The following DPF3 variants were observed in gnomAD, a reference collection of about 807,000 sequenced individuals.
DPF3 encodes the protein zinc finger protein DPF3.
In DPF3, 18 loss-of-function variants were observed where a neutral mutation model predicts 56.8. The observed-to-expected ratio is 0.32, with a 90% CI of 0.22 to 0.47. The LOEUF is 0.47. DPF3 is among the 20% of genes least tolerant of loss of function. The probability of loss-of-function intolerance (pLI) is 1.00; values close to 1 mark genes in which losing one functional copy is unlikely to be tolerated. For synonymous variants in DPF3, 188 were observed against 180.2 expected (o/e 1.04, Z -0.35); for missense variants, 403 against 488.8 (o/e 0.82, Z 1.65).
chr14:72,831,510 T>C (rs1219673304), intron 1 of DPF3, among the ~76,000 whole-genome samples: 2 of 152,204 alleles, frequency 1.3e-5, no homozygotes, highest in African/African-American at 4.8e-5. Context: ...ATCACAGGGC[T>C]GTAGAATATT....
intron 8 of DPF3, among the ~76,000 whole-genome samples, chr14:72,631,120 G>A (rs558293629): frequency 1.3e-5 from 2 of 152,298 alleles, no homozygotes; most frequent in African/African-American, 4.8e-5. Context: ...ACCATGCTGA[G>A]TTATCTTGGA....
chr14:72,655,567 T>C (rs886851807), intron 8 of DPF3, among the ~76,000 whole-genome samples: 1 of 152,238 alleles, frequency 6.6e-6, no homozygotes, highest in African/African-American at 2.4e-5. Context: ...CTTACTGTTC[T>C]TACAGTTTCT....
intron 9 of DPF3, among the ~76,000 whole-genome samples, chr14:72,623,355 T>C (rs1884584045): frequency 6.6e-6 from 1 of 152,192 alleles, no homozygotes; most frequent in African/African-American, 2.4e-5. Flanking sequence ...ATGAATTTGG[T>C]TATGTATCCA....
chr14:72,612,319 C>T lies in DPF3; in HGVS notation c.*6978G>A. On this transcript the variant is annotated 3_prime_UTR_variant, in exon 11 of 11. Transcript: ENST00000556509. ...GACGCATTGGTGAGCCAGGGACGCC[C>T]TGCCTACCTACCCCGCCTCTCTCCA... 2.3e-6 allele frequency: 1 copy of T among 428,766 alleles called. No individual in the cohort carries two copies. Among genetic ancestry groups the T allele is most frequent in the Admixed American group, 2.6e-5 (1 of 38,764 alleles). 26.6% of individuals were successfully genotyped at this position (428,766 alleles called of 1,614,324 possible). A position where few individuals can be genotyped will look rare whatever the true frequency, so the allele number is the denominator to read the frequency against.
intron 1 of DPF3, among the ~76,000 whole-genome samples, chr14:72,804,328 C>T (rs1893005347): frequency 6.6e-6 from 1 of 152,038 alleles, no homozygotes; most frequent in Non-Finnish European, 1.5e-5. Flanking sequence ...ACAATAGGTA[C>T]ATTATGCCAA....
intron 1 of DPF3, among the ~76,000 whole-genome samples, chr14:72,778,302 C>T (rs1891832807): frequency 1.3e-5 from 2 of 152,192 alleles, no homozygotes; most frequent in South Asian, 4.1e-4. Context: ...GCTCTGCCTC[C>T]TGTCAGATCA....
At chr14:72,867,817 C>T (rs1885737372) in intron 1 of DPF3, among the ~76,000 whole-genome samples, 1 of 152,156 alleles carries the variant, frequency 6.6e-6, no homozygotes, top group South Asian at 2.1e-4. Flanking sequence ...CGGCTCACTG[C>T]AACCTCTACC....
At chr14:72,861,766 A>AGAAG (rs896413116) in intron 1 of DPF3, among the ~76,000 whole-genome samples, 1 of 150,006 alleles carries the variant, frequency 6.7e-6, no homozygotes, top group Non-Finnish European at 1.5e-5. Context: ...AAAGAAAGAA[A>AGAAG]GAAAGAAAGA....
chr14:72,625,871 T>C (rs1429943133), intron 9 of DPF3, among the ~76,000 whole-genome samples: 1 of 152,194 alleles, frequency 6.6e-6, no homozygotes, highest in African/African-American at 2.4e-5. Context: ...AACTAGACTC[T>C]CATTAGTCAC....
intron 1 of DPF3, among the ~76,000 whole-genome samples, chr14:72,819,711 T>G (rs1466833506): frequency 3.3e-5 from 5 of 151,480 alleles, no homozygotes; most frequent in Non-Finnish European, 7.4e-5. Context: ...CTGGGGCGAG[T>G]GGATTGCTTG....
At chr14:72,784,414 G>A (rs1450510200) in intron 1 of DPF3, among the ~76,000 whole-genome samples, 2 of 152,128 alleles carry the variant, frequency 1.3e-5, no homozygotes, top group African/African-American at 4.8e-5. Context: ...TAACGACAAA[G>A]GATACCAAAA....
rs1344920796 is a variant in DPF3, at chr14:72,753,347, G to C, written c.218C>G (p.Thr73Arg). ...CTTGCGCCAGCAGCGGGCAGGGTAT[G>C]TATACAGCTGGCCCGGGGCAAGGCC... ...GPGLAPGQLYTYPARCWRKKR... is the reference protein window; with the variant it reads ...GPGLAPGQLYRYPARCWRKKR... Residue 73 changes from threonine to arginine, a missense_variant, in exon 3 of 11, where the codon ACA becomes AGA. This residue lies in a region of DPF3 where 340 missense variants were observed against 374.3 expected (regional missense o/e 0.91). Transcript: ENST00000556509. 13 of 1,612,762 alleles carry C rather than the reference G, an allele frequency of 8.1e-6. No individual in the cohort carries two copies. The highest frequency in any genetic ancestry group is 1.1e-5 in the Non-Finnish European group (13 of 1,179,752).
intron 5 of DPF3, among the ~76,000 whole-genome samples, chr14:72,719,869 G>A (rs775275782): frequency 2.6e-5 from 4 of 152,152 alleles, no homozygotes; most frequent in African/African-American, 4.8e-5. Flanking sequence ...TTCATCCAAC[G>A]TGTAGTAAGT....
rs1297403645 is a variant in DPF3, at chr14:72,617,247, C to G, written c.*2050G>C. 2.6e-5 allele frequency among the ~76,000 whole-genome samples: 4 copies of G among 152,208 alleles called. No homozygotes were observed. Among genetic ancestry groups the G allele is most frequent in the Non-Finnish European group, 5.9e-5 (4 of 68,036 alleles). ...TGGGGTTTCGGACTTGCTTTTTAAA[C>G]TTTTAAGCTATTGTGGCACTTGGGA... On this transcript the variant is annotated 3_prime_UTR_variant, in exon 11 of 11. Transcript: ENST00000556509.
intron 2 of DPF3, among the ~76,000 whole-genome samples, chr14:72,756,180 G>A (rs1005631776): frequency 1.3e-5 from 2 of 152,150 alleles, no homozygotes; most frequent in Non-Finnish European, 2.9e-5. Context: ...CAAGGCCACT[G>A]CCACCCCTCA....
intron 1 of DPF3, among the ~76,000 whole-genome samples, chr14:72,787,422 G>A (rs191794018): frequency 4.6e-5 from 7 of 152,254 alleles, no homozygotes; most frequent in Middle Eastern, 3.4e-3. Context: ...TGGAGAGATC[G>A]TCTTCACATA....
chr14:72,813,851 TC>T (rs2140022420), intron 1 of DPF3, among the ~76,000 whole-genome samples: 1 of 152,140 alleles, frequency 6.6e-6, no homozygotes, highest in South Asian at 2.1e-4. Context: ...TGACGGCTGG[TC>T]CCCCTCCTTC....
intron 3 of DPF3, among the ~76,000 whole-genome samples, chr14:72,736,925 C>T (rs1889915204): frequency 6.6e-6 from 1 of 151,572 alleles, no homozygotes; most frequent in East Asian, 1.9e-4. Flanking sequence ...GATATAAACC[C>T]ATGGATCGTT....
chr14:72,793,481 G>C (rs1199156878), intron 1 of DPF3, among the ~76,000 whole-genome samples: 2 of 152,108 alleles, frequency 1.3e-5, no homozygotes, highest in Admixed American at 6.5e-5. Context: ...AAGGACACTG[G>C]TAATCTCCAG....
Sources: gnomAD v4.1 joint callset for allele counts (sites outside exome capture counted in the v4.1 genomes callset) on GRCh38, gnomAD v4.1.1 for gene constraint, gnomAD v4.1.1 regional missense constraint, MANE v1.5 for transcripts, NCBI Gene and HGNC (gene_info 2026-07-23, HGNC 2026-07-21) for gene names.